The following PLEKHG5 variants were observed in gnomAD, a reference collection of about 807,000 sequenced individuals.
The protein encoded by PLEKHG5 is pleckstrin homology domain-containing family G member 5.
A neutral mutation model predicts 103.8 loss-of-function variants in PLEKHG5; 52 were observed. The observed-to-expected ratio is 0.50, with a 90% CI of 0.40 to 0.63. The LOEUF (loss-of-function observed/expected upper bound fraction) is 0.63, where lower values mean the gene tolerates loss of function less well. Among genes scored for constraint, PLEKHG5 ranks in the 30% least tolerant of loss-of-function variants. PLEKHG5 has a pLI of 0.00. For synonymous variants in PLEKHG5, 592 were observed against 575.5 expected (o/e 1.03, Z -0.41); for missense variants, 1,205 against 1,347.6 (o/e 0.89, Z 1.66).
chr1:6,467,531 G>C lies in PLEKHG5; in HGVS notation c.*32C>G. ...GGAGGCAGGCTGTCTGCTGTCTCTT[G>C]GTCAATGGCACTCTTGGGGGCCTCC... On this transcript the variant is annotated 3_prime_UTR_variant, in exon 21 of 21. Coordinates refer to ENST00000377728, the MANE Select transcript of PLEKHG5 (RefSeq NM_020631.6). The C allele has an allele frequency of 6.2e-7, 1 of 1,610,570 alleles. No homozygotes were observed. Among genetic ancestry groups the C allele is most frequent in the Non-Finnish European group, 8.5e-7 (1 of 1,177,160 alleles).
intron 1 of PLEKHG5, among the ~76,000 whole-genome samples, chr1:6,483,093 G>A (rs561535811): frequency 3.9e-5 from 6 of 152,352 alleles, no homozygotes; most frequent in South Asian, 2.1e-4. Context: ...CCGGGATTAC[G>A]GGGACAGGAG....
Position 6,475,033 on chromosome 1 carries a change from C to G in PLEKHG5, c.302+14G>C. The stretch of plus-strand genomic sequence containing the variant: ...CCCAGTCCCACTTCCACCCTGAGCC[C>G]CATCAAGCCCTACCCCAGTGACTTC... On this transcript the variant is annotated intron_variant, in intron 5 of 20. Transcript: ENST00000377728. The G allele has an allele frequency of 6.6e-7, 1 of 1,513,326 alleles. No homozygotes were observed. The highest frequency in any genetic ancestry group is 1.1e-5 in the South Asian group (1 of 89,122). 93.7% of individuals were successfully genotyped at this position (1,513,326 alleles called of 1,614,324 possible). A position where few individuals can be genotyped will look rare whatever the true frequency, so the allele number is the denominator to read the frequency against.
At position 6,469,502 on chromosome 1, in the gene PLEKHG5, A is replaced by T. The variant is rs375233060; in HGVS notation, c.1933+42T>A. The T allele has an allele frequency of 9.3e-6, 15 of 1,613,714 alleles. No homozygotes were observed. In the African/African-American group the frequency reaches 1.7e-4, roughly 19 times the overall value. ...TCAGCAGAGACGATGGCCCCCACCC[A>T]TCACAGCCCCTGACCAGGAACAGGG... On this transcript the variant is annotated intron_variant, in intron 17 of 20. Transcript: ENST00000377728.
At chr1:6,479,376 T>C (rs896935626) in intron 1 of PLEKHG5, among the ~76,000 whole-genome samples, 2 of 138,360 alleles carry the variant, frequency 1.4e-5, no homozygotes. Flanking sequence ...AAGCTCCGCC[T>C]CCTCGGTTCA....
rs1325990587 is a variant in PLEKHG5, at chr1:6,473,401, G to A, written c.645C>T (p.Ile215=). 6.5e-7 allele frequency: 1 copy of A among 1,544,462 alleles called. No individual in the cohort carries two copies. The highest frequency in any genetic ancestry group is 8.7e-7 in the Non-Finnish European group (1 of 1,144,078). The change falls in exon 8 of 21, where the codon ATC becomes ATT. Residue 215 remains isoleucine (I), a synonymous_variant. Transcript: ENST00000377728. ...NMSEFLGEAS[I]PGQEPPTPSS... is the part of the protein sequence containing the mutation. ...AGGGCGTGGGGGGCTCCTGCCCGGG[G>A]ATGCTCGCCTCCCCCAGGAACTCCG...
intron 1 of PLEKHG5, chr1:6,485,939 G>C (rs1645026275): frequency 1.0e-6 from 1 of 984,464 alleles, no homozygotes; most frequent in East Asian, 1.1e-4. Flanking sequence ...TTCTCCTGGG[G>C]AGCTCCTTGA....
chr1:6,516,885 TACACATATATATATATATATACAC>T lies in PLEKHG5; in HGVS notation c.-165+2536_-165+2559del, dbSNP rs1557774862. Among the ~76,000 whole-genome samples, 4 of 10,632 alleles carry T rather than the reference TACACATATATATATATATATACAC, an allele frequency of 3.8e-4. 1 individual carries two copies. Among genetic ancestry groups the T allele is most frequent in the African/African-American group, 4.8e-4 (4 of 8,356 alleles). 7.0% of individuals were successfully genotyped at this position (10,632 alleles called of 152,430 possible). On this transcript the variant is annotated intron_variant, in intron 1 of 21. Transcript: ENST00000377740. ...ATATGTGTATATATATATATATATA[TACACATATATATATATATATACAC>T]ACACACACACACACACATGTACACT...
chr1:6,501,038 T>G (rs1645291575), upstream of PLEKHG5, among the ~76,000 whole-genome samples: 1 of 152,196 alleles, frequency 6.6e-6, no homozygotes, highest in Non-Finnish European at 1.5e-5. The surrounding 1 kb of genome is among the most constrained non-coding windows in gnomAD (Gnocchi z 4.3). Flanking sequence ...TTAAATTGGT[T>G]GCCAACTTTG....
chr1:6,469,684 G>A lies in PLEKHG5; in HGVS notation c.1801-8C>T. ...GAAGCAGTACACATCCATCTGCAGTGGCAGGAGGGGGGGTGGCCAGAGAGG... is the reference window on the plus strand; with the variant it reads ...GAAGCAGTACACATCCATCTGCAGTAGCAGGAGGGGGGGTGGCCAGAGAGG... On this transcript the variant is annotated splice_region_variant and splice_polypyrimidine_tract_variant and intron_variant, in intron 16 of 20. Coordinates refer to ENST00000377728, the MANE Select transcript of PLEKHG5 (RefSeq NM_020631.6). 1.9e-6 allele frequency: 3 copies of A among 1,611,514 alleles called. No individual in the cohort carries two copies. The highest frequency in any genetic ancestry group is 2.5e-6 in the Non-Finnish European group (3 of 1,179,152).
chr1:6,468,674 A>G lies in PLEKHG5; in HGVS notation c.2250-88T>C, dbSNP rs114215729. On this transcript the variant is annotated intron_variant, in intron 19 of 20. Transcript: ENST00000377728. The stretch of plus-strand genomic sequence containing the variant: ...GGCTGGGCAATGCACGGTGGTTTAT[A>G]CCCTCTGCCCTCCTGGGGCTGGAGG... The G allele has an allele frequency of 8.5e-4, 1,203 of 1,417,026 alleles. 9 individuals are homozygous for G. The African/African-American group carries it at 0.016, about 18-fold the overall frequency. 87.8% of individuals were successfully genotyped at this position (1,417,026 alleles called of 1,614,324 possible). A position where few individuals can be genotyped will look rare whatever the true frequency, so the allele number is the denominator to read the frequency against.
upstream of PLEKHG5, among the ~76,000 whole-genome samples, chr1:6,494,974 C>T (rs1175981596): frequency 6.6e-6 from 1 of 152,228 alleles, no homozygotes; most frequent in African/African-American, 2.4e-5. Context: ...GACCAGCTCT[C>T]TTCTCCCAGG....
At chr1:6,489,077 C>T (rs1007372569) in intron 1 of PLEKHG5, among the ~76,000 whole-genome samples, 7 of 152,132 alleles carry the variant, frequency 4.6e-5, no homozygotes, top group Admixed American at 1.3e-4. Context: ...CAGGCTCTGC[C>T]GACAGCAGAC....
chr1:6,471,778 C>A lies in PLEKHG5; in HGVS notation c.1111G>T (p.Glu371Ter). 1 of 1,610,532 alleles carries A rather than the reference C, an allele frequency of 6.2e-7. No homozygotes were observed. The highest frequency in any genetic ancestry group is 1.7e-5 in the Admixed American group (1 of 59,680). The change falls in exon 11 of 21, where the codon GAG becomes TAG. Residue 371 changes from glutamate to a stop codon, truncating the protein, a stop_gained. Transcript: ENST00000377728. LOFTEE classifies it high-confidence loss of function. ...CGCACCTCACACAGCAGCCCTGACT[C>A]TTGCAGGTTCAGGAGGCAGCACAGG... ...LFLCCLLNLQ[E>*]SGLLCEVEAE...
intron 1 of PLEKHG5, chr1:6,485,609 G>T (rs1298588269): frequency 1.1e-4 from 55 of 494,604 alleles, no homozygotes; most frequent in Admixed American, 1.9e-4. Context: ...CCTCCCTCCC[G>T]CCCGGGCCCT....
At chr1:6,485,825 G>A in intron 1 of PLEKHG5, 2 of 956,428 alleles carry the variant, frequency 2.1e-6, no homozygotes, top group Non-Finnish European at 1.2e-6. Context: ...CCTGGCCCGG[G>A]GTACCCCCAC....
chr1:6,510,041 C>T (rs1478347755), intron 1 of PLEKHG5, among the ~76,000 whole-genome samples: 1 of 152,210 alleles, frequency 6.6e-6, no homozygotes, highest in African/African-American at 2.4e-5. Flanking sequence ...CTGTCTGGAC[C>T]CCCAGGGCAG....
chr1:6,470,388 C>G (rs1285112719), intron 15 of PLEKHG5, 33 bp from the exon 16 acceptor site: 1 of 1,613,542 alleles, frequency 6.2e-7, no homozygotes, highest in Non-Finnish European at 8.5e-7. Context: ...TAGGGGAGGC[C>G]AGAGACTGAC....
Position 6,468,329 on chromosome 1 carries a change from A to G in PLEKHG5, c.2507T>C (p.Met836Thr). The G allele has an allele frequency of 6.2e-7, 1 of 1,609,754 alleles. No individual in the cohort carries two copies. The highest frequency in any genetic ancestry group is 8.5e-7 in the Non-Finnish European group (1 of 1,178,596). Residue 836 changes from methionine to threonine, a missense_variant, in exon 20 of 21, where the codon ATG (methionine) becomes ACG (threonine). Met to Thr is a moderately conservative substitution (Grantham distance 81). Coordinates refer to ENST00000377728, the MANE Select transcript of PLEKHG5 (RefSeq NM_020631.6). ...TGGGGCCCGAGGCACTAGCTCTGCC[A>G]TTGGGCCTGGGGCCACAAAGTCTTG... ...SLQDFVAPGP[M>T]AELVPRAPES...
chr1:6,477,370 T>G (rs1644788427), intron 2 of PLEKHG5, among the ~76,000 whole-genome samples, 159 bp downstream of exon 2: 1 of 152,228 alleles, frequency 6.6e-6, no homozygotes, highest in Non-Finnish European at 1.5e-5. Flanking sequence ...ACTTTCTCTC[T>G]TGCTAAAAAA....
Sources: gnomAD v4.1 joint callset for allele counts (sites outside exome capture counted in the v4.1 genomes callset) on GRCh38, gnomAD v4.1.1 for gene constraint, Gnocchi (gnomAD v3.1) non-coding constraint, MANE v1.5 for transcripts, NCBI Gene and HGNC (gene_info 2026-07-23, HGNC 2026-07-21) for gene names.